Variants in GRB10 observed in about 807,000 individuals in gnomAD.
GRB10 encodes growth factor receptor-bound protein 10.
GRB10 carries 20 observed loss-of-function variants against 80.9 expected under a neutral mutation model. The ratio of observed to expected loss-of-function variants is 0.25; its 90% confidence interval spans 0.17 to 0.36. The LOEUF (loss-of-function observed/expected upper bound fraction) is 0.36. Ranked by LOEUF, GRB10 falls within the 10% of genes least tolerant of loss-of-function variation. GRB10 has a pLI of 1.00. For synonymous variants in GRB10, 291 were observed against 291.5 expected, an observed-to-expected ratio of 1.00 and a Z score of 0.02; for missense variants, 548 against 747.7, an observed-to-expected ratio of 0.73 and a Z score of 3.12.
At chr7:50,597,288 T>C (rs997062473) in intron 17 of GRB10, among the ~76,000 whole-genome samples, 1 of 152,186 alleles carries the variant, frequency 6.6e-6, no homozygotes, top group African/African-American at 2.4e-5. Flanking sequence ...CAGAATGGGA[T>C]TCCATGGTTT....
intron 15 of GRB10, chr7:50,604,888 G>A (rs1481954737): frequency 6.7e-6 from 2 of 297,336 alleles, no homozygotes; most frequent in South Asian, 4.0e-5. Context: ...AGCCTCAGGG[G>A]TGAGGGAGTG....
intron 4 of GRB10, among the ~76,000 whole-genome samples, chr7:50,714,214 C>T (rs185937144): frequency 6.6e-6 from 1 of 152,306 alleles, no homozygotes; most frequent in African/African-American, 2.4e-5. Context: ...GTACCTTAAT[C>T]GATCATGAGT....
chr7:50,703,289 A>G, intron 5 of GRB10, among the ~76,000 whole-genome samples: 1 of 152,234 alleles, frequency 6.6e-6, no homozygotes, highest in East Asian at 1.9e-4. Flanking sequence ...ATTCTATTTA[A>G]TCCTCAGGCT....
chr7:50,774,130 C>A (rs1012881296), intron 2 of GRB10, among the ~76,000 whole-genome samples: 1 of 152,234 alleles, frequency 6.6e-6, no homozygotes, highest in Non-Finnish European at 1.5e-5. Context: ...ATTCTATTCA[C>A]ATGAAATGTC....
chr7:50,610,125 C>T (rs2049249780), intron 13 of GRB10, among the ~76,000 whole-genome samples: 1 of 152,138 alleles, frequency 6.6e-6, no homozygotes, highest in Non-Finnish European at 1.5e-5. Flanking sequence ...GTCCTGTGTC[C>T]TCCTCTGGAG....
intron 7 of GRB10, among the ~76,000 whole-genome samples, chr7:50,655,893 C>T (rs1410590049): frequency 1.3e-5 from 2 of 152,206 alleles, no homozygotes; most frequent in African/African-American, 2.4e-5. Flanking sequence ...TCCTCATCTT[C>T]GGCCCCACTG....
intron 4 of GRB10, among the ~76,000 whole-genome samples, chr7:50,730,754 T>C (rs2069550486): frequency 6.6e-6 from 1 of 151,956 alleles, no homozygotes; most frequent in Non-Finnish European, 1.5e-5. Context: ...GCCACTTCTG[T>C]AGGTACCAGC....
intron 7 of GRB10, among the ~76,000 whole-genome samples, chr7:50,660,675 A>G (rs1000155796): frequency 2.0e-5 from 3 of 152,168 alleles, no homozygotes; most frequent in African/African-American, 7.2e-5. Context: ...GGAGCCACGC[A>G]GTAGCAGAAG....
chr7:50,688,318 T>C (rs375672338), intron 5 of GRB10, among the ~76,000 whole-genome samples: 2 of 152,108 alleles, frequency 1.3e-5, no homozygotes, highest in South Asian at 2.1e-4. Context: ...ATTTGATAAT[T>C]TAATAAAGTG....
At chr7:50,636,963 T>C (rs747075195) in intron 7 of GRB10, among the ~76,000 whole-genome samples, 8 of 152,220 alleles carry the variant, frequency 5.3e-5, no homozygotes, top group Non-Finnish European at 1.2e-4. Context: ...TTTGATGGCA[T>C]GAGTTGTGTT....
intron 4 of GRB10, among the ~76,000 whole-genome samples, chr7:50,711,344 C>G (rs182333236): frequency 4.2e-4 from 64 of 152,088 alleles, no homozygotes; most frequent in African/African-American, 1.5e-3. Context: ...ACCCACCATC[C>G]GGGTCCCAGA....
At chr7:50,748,387 G>A (rs904630047) in intron 3 of GRB10, among the ~76,000 whole-genome samples, 10 of 152,382 alleles carry the variant, frequency 6.6e-5, no homozygotes, top group Non-Finnish European at 4.4e-5. Context: ...CAGCCAGGGA[G>A]AGCGTCACGG....
intron 1 of GRB10, among the ~76,000 whole-genome samples, chr7:50,791,729 G>A (rs1007551766): frequency 1.3e-5 from 2 of 152,214 alleles, no homozygotes; most frequent in African/African-American, 4.8e-5. Context: ...CTGGGGATTG[G>A]CCTGTGTTGC....
intron 4 of GRB10, among the ~76,000 whole-genome samples, chr7:50,722,178 G>A (rs757745445): frequency 1.3e-5 from 2 of 152,128 alleles, no homozygotes; most frequent in East Asian, 1.9e-4. Context: ...GCTGAGCCCC[G>A]AACCCTTAAC....
At chr7:50,738,346 A>G (rs985962941) in intron 3 of GRB10, among the ~76,000 whole-genome samples, 24 of 152,264 alleles carry the variant, frequency 1.6e-4, no homozygotes, top group African/African-American at 5.5e-4. Flanking sequence ...TCATAGCAGC[A>G]CTATTCACAA....
At chr7:50,653,727 T>C (rs999102226) in intron 7 of GRB10, among the ~76,000 whole-genome samples, 1 of 152,176 alleles carries the variant, frequency 6.6e-6, no homozygotes, top group African/African-American at 2.4e-5. Context: ...TAAGTTTTCC[T>C]TCCACACGCT....
chr7:50,622,859 C>T (rs2052086187), intron 8 of GRB10, among the ~76,000 whole-genome samples: 1 of 151,800 alleles, frequency 6.6e-6, no homozygotes, highest in Non-Finnish European at 1.5e-5. Context: ...GATGCAAACA[C>T]AGCTCTCTGC....
At chr7:50,594,017 T>A (rs1469421328) in intron 18 of GRB10, among the ~76,000 whole-genome samples, 3 of 152,058 alleles carry the variant, frequency 2.0e-5, no homozygotes, top group African/African-American at 7.3e-5. Context: ...CAGCCTAAAA[T>A]GTCAATCACT....
intron 7 of GRB10, among the ~76,000 whole-genome samples, chr7:50,663,293 G>A (rs966356260): frequency 6.6e-6 from 1 of 152,188 alleles, no homozygotes; most frequent in Non-Finnish European, 1.5e-5. Flanking sequence ...GCACCTCCCT[G>A]TACCTCTCTG....
Sources: gnomAD v4.1 joint callset for allele counts (sites outside exome capture counted in the v4.1 genomes callset) on GRCh38, gnomAD v4.1.1 for gene constraint, MANE v1.5 for transcripts, NCBI Gene and HGNC (gene_info 2026-07-23, HGNC 2026-07-21) for gene names.